The following CNTN5 variants were observed in gnomAD, a reference collection of about 807,000 sequenced individuals.
CNTN5 encodes the protein contactin-5.
In CNTN5, 77 loss-of-function variants were observed where a neutral mutation model predicts 129.1. The ratio of observed to expected loss-of-function variants is 0.60; its 90% confidence interval spans 0.50 to 0.72. CNTN5 has a LOEUF of 0.72. Among genes scored for constraint, CNTN5 ranks in the 30% least tolerant of loss-of-function variants. The pLI is 0.00. For synonymous variants in CNTN5, 509 were observed against 465.6 expected (o/e 1.09, Z -1.20); for missense variants, 1,478 against 1,328.8 (o/e 1.11, Z -1.75).
chr11:99,568,598 T>C (rs1408651046), intron 3 of CNTN5, among the ~76,000 whole-genome samples: 1 of 152,184 alleles, frequency 6.6e-6, no homozygotes, highest in Admixed American at 6.5e-5. Flanking sequence ...ATTACATTCA[T>C]TGAGCACTCA....
chr11:99,463,491 C>T (rs1490670993), intron 2 of CNTN5, among the ~76,000 whole-genome samples: 2 of 147,138 alleles, frequency 1.4e-5, no homozygotes, highest in South Asian at 2.2e-4. Flanking sequence ...ATCCAACTTT[C>T]AGTGAAGAAT....
chr11:99,289,287 A>G (rs1864072591), intron 1 of CNTN5, among the ~76,000 whole-genome samples: 1 of 151,770 alleles, frequency 6.6e-6, no homozygotes, highest in Non-Finnish European at 1.5e-5. Flanking sequence ...TATTGAAGCC[A>G]TTTAAATAGT....
intron 18 of CNTN5, among the ~76,000 whole-genome samples, chr11:100,287,986 C>A (rs1452032174): frequency 2.6e-5 from 4 of 151,886 alleles, no homozygotes; most frequent in Non-Finnish European, 5.9e-5. Flanking sequence ...GACTTTAAAC[C>A]AACAAAGATC....
chr11:99,916,253 CA>C, intron 7 of CNTN5, 104 bp downstream of exon 7: 1 of 834,080 alleles, frequency 1.2e-6, no homozygotes, highest in South Asian at 1.7e-5. Context: ...GTGAAATGTG[CA>C]TGGTTTTCTT....
At position 100,002,141 on chromosome 11, in the gene CNTN5, G is replaced by A. The variant is rs370624134; in HGVS notation, c.980+5G>A. The A allele has an allele frequency of 6.6e-7, 1 of 1,509,062 alleles. No individual in the cohort carries two copies. Among genetic ancestry groups the A allele is most frequent in the Non-Finnish European group, 8.9e-7 (1 of 1,129,128 alleles). The allele number at this position is 1,509,062 out of a possible 1,614,324, so 93.5% of individuals were successfully genotyped here. ...GGAATGCTTTGCACTTGGCAAGTAA[G>A]TACATGTTCTTCCATAATTAAACAC... On this transcript the variant is annotated splice_donor_5th_base_variant and intron_variant, in intron 9 of 24. Coordinates refer to ENST00000524871, the MANE Select transcript of CNTN5 (RefSeq NM_014361.4).
At chr11:99,578,438 C>T (rs1231482070) in intron 3 of CNTN5, among the ~76,000 whole-genome samples, 2 of 147,216 alleles carry the variant, frequency 1.4e-5, no homozygotes, top group Non-Finnish European at 3.0e-5. Flanking sequence ...AGTTTACAGT[C>T]CCACCAACAG....
chr11:99,125,323 C>T (rs2135418346), intron 1 of CNTN5, among the ~76,000 whole-genome samples: 1 of 147,086 alleles, frequency 6.8e-6, no homozygotes, highest in African/African-American at 2.5e-5. Context: ...CAATAAATGT[C>T]ATTCATCACA....
chr11:99,895,087 A>G (rs1181941600), intron 6 of CNTN5, among the ~76,000 whole-genome samples: 2 of 152,218 alleles, frequency 1.3e-5, no homozygotes. Context: ...ATAAAGTGCT[A>G]AAGGTAGGGC....
intron 2 of CNTN5, among the ~76,000 whole-genome samples, chr11:99,507,051 G>A (rs1216722726): frequency 6.6e-6 from 1 of 152,048 alleles, no homozygotes. Flanking sequence ...AAAATAAAAA[G>A]TGTATTGTAC....
intron 13 of CNTN5, among the ~76,000 whole-genome samples, chr11:100,081,822 A>T (rs1398520682): frequency 6.6e-6 from 1 of 152,202 alleles, no homozygotes; most frequent in African/African-American, 2.4e-5. Context: ...AGTCCAGTTG[A>T]GCTTCATTAT....
intron 9 of CNTN5, among the ~76,000 whole-genome samples, chr11:100,033,563 G>T (rs1282033910): frequency 1.3e-5 from 2 of 152,028 alleles, no homozygotes; most frequent in Non-Finnish European, 2.9e-5. Flanking sequence ...TACAGTACAT[G>T]GTCCATCGCT....
rs75587051 is a variant in CNTN5, at chr11:100,221,570, T to C, written c.1885-3122T>C. 4.3e-3 allele frequency among the ~76,000 whole-genome samples: 654 copies of C among 152,318 alleles called. 16 individuals carry two copies. In the East Asian group the frequency reaches 0.058, roughly 14 times the overall value. On this transcript the variant is annotated intron_variant, in intron 15 of 24. Coordinates refer to ENST00000524871, the MANE Select transcript of CNTN5 (RefSeq NM_014361.4). ...TCTAGCAGTTGCTCTAATGAAACGA[T>C]CTGACCAAGATATGTAAATGACATA...
chr11:99,355,764 G>A (rs1006986300), intron 2 of CNTN5, among the ~76,000 whole-genome samples: 3 of 150,848 alleles, frequency 2.0e-5, no homozygotes, highest in Admixed American at 6.6e-5. Flanking sequence ...TATAATATCG[G>A]CCTTAACTAG....
chr11:100,078,248 T>A (rs112383139), intron 13 of CNTN5, among the ~76,000 whole-genome samples: 4 of 152,260 alleles, frequency 2.6e-5, no homozygotes, highest in African/African-American at 9.6e-5. Context: ...GCTAAGGAAA[T>A]TTAGAAATCA....
At chr11:100,104,397 A>G (rs900302982) in intron 13 of CNTN5, among the ~76,000 whole-genome samples, 2 of 152,086 alleles carry the variant, frequency 1.3e-5, no homozygotes. Context: ...GTCACTTTTT[A>G]AAAAGAATAG....
intron 1 of CNTN5, among the ~76,000 whole-genome samples, chr11:99,267,029 A>G (rs1862931646): frequency 6.6e-6 from 1 of 152,020 alleles, no homozygotes; most frequent in South Asian, 2.1e-4. Flanking sequence ...AGAATAAGAG[A>G]AGGCTTTAAA....
intron 1 of CNTN5, among the ~76,000 whole-genome samples, chr11:99,287,552 T>C (rs562087532): frequency 6.6e-6 from 1 of 152,178 alleles, no homozygotes; most frequent in East Asian, 1.9e-4. Flanking sequence ...CCCAATAATC[T>C]TTTCCTACTA....
intron 1 of CNTN5, among the ~76,000 whole-genome samples, chr11:99,173,483 TTTA>T (rs1857627686): frequency 6.6e-6 from 1 of 152,202 alleles, no homozygotes; most frequent in African/African-American, 2.4e-5. Flanking sequence ...TTGGTCAGAT[TTTA>T]TTGTTAGAAG....
intron 13 of CNTN5, among the ~76,000 whole-genome samples, chr11:100,115,115 T>TAAGAA (rs1945796847): frequency 1.3e-5 from 1 of 78,408 alleles, no homozygotes; most frequent in Non-Finnish European, 2.3e-5. Context: ...AGGTATACAG[T>TAAGAA]AAAAAAAAAA....
Sources: gnomAD v4.1 joint callset for allele counts (sites outside exome capture counted in the v4.1 genomes callset) on GRCh38, gnomAD v4.1.1 for gene constraint, MANE v1.5 for transcripts, NCBI Gene and HGNC (gene_info 2026-07-23, HGNC 2026-07-21) for gene names.